The following PCDH11Y variants were observed in gnomAD, a reference collection of about 807,000 sequenced individuals.
PCDH11Y encodes the protein protocadherin-11 Y-linked.
For missense variants in PCDH11Y, 12 were observed against 224.8 expected, an observed-to-expected ratio of 0.05 and a Z score of 6.05; for synonymous variants, 9 against 83.6, an observed-to-expected ratio of 0.11 and a Z score of 4.87.
intron 4 of PCDH11Y, among the ~76,000 whole-genome samples, chrY:5,732,527 C>T: frequency 3.2e-4 from 10 of 31,552 alleles, no homozygotes; most frequent in Non-Finnish European, 6.8e-4. Flanking sequence ...TGTGATCTGA[C>T]GTTTTTCTCT....
intron 3 of PCDH11Y, among the ~76,000 whole-genome samples, chrY:5,535,991 A>C (rs1602939671): frequency 3.1e-5 from 1 of 32,517 alleles, no homozygotes. Context: ...GTGGCGCGAT[A>C]TCGGCTCACT....
At chrY:5,223,342 C>T in intron 2 of PCDH11Y, among the ~76,000 whole-genome samples, 2 of 33,281 alleles carry the variant, frequency 6.0e-5, no homozygotes, top group Admixed American at 2.8e-4. Flanking sequence ...AGGTGGGGCT[C>T]GTGTGTTATA....
chrY:5,045,272 G>T (rs2052632079), intron 3 of PCDH11Y, among the ~76,000 whole-genome samples: 1 of 33,000 alleles, frequency 3.0e-5, no homozygotes, highest in Non-Finnish European at 7.4e-5. Flanking sequence ...TCCATGTTTA[G>T]TGCTTCCTTC....
chrY:5,452,508 G>T, intron 2 of PCDH11Y, among the ~76,000 whole-genome samples: 1 of 33,008 alleles, frequency 3.0e-5, no homozygotes, highest in Non-Finnish European at 7.4e-5. Flanking sequence ...TTTTTTAATT[G>T]AGTAATTTGA....
At chrY:5,141,549 C>T in intron 2 of PCDH11Y, among the ~76,000 whole-genome samples, 1 of 30,670 alleles carries the variant, frequency 3.3e-5, no homozygotes, top group Non-Finnish European at 7.8e-5. Context: ...CAGCATGGTA[C>T]TGGTACCAAA....
intron 4 of PCDH11Y, among the ~76,000 whole-genome samples, chrY:5,719,468 G>A (rs2053592832): frequency 3.0e-5 from 1 of 33,033 alleles, no homozygotes; most frequent in African/African-American, 1.2e-4. Context: ...CATGGCTAAA[G>A]GGGGCCAATG....
At chrY:5,386,098 T>C in intron 2 of PCDH11Y, among the ~76,000 whole-genome samples, 7 of 33,733 alleles carry the variant, frequency 2.1e-4, no homozygotes, top group South Asian at 1.3e-3. Flanking sequence ...GACTGTATCT[T>C]TTCTTCATTT....
chrY:5,251,715 G>T, intron 2 of PCDH11Y, among the ~76,000 whole-genome samples: 2 of 32,320 alleles, frequency 6.2e-5, no homozygotes, highest in African/African-American at 1.2e-4. Context: ...CATAGTGTAT[G>T]ACACATATAA....
intron 2 of PCDH11Y, among the ~76,000 whole-genome samples, chrY:5,230,039 C>T: frequency 3.0e-5 from 1 of 33,361 alleles, no homozygotes. Flanking sequence ...TATGCCTCAA[C>T]TTAGCTCCCC....
intron 2 of PCDH11Y, among the ~76,000 whole-genome samples, chrY:5,373,745 TACAC>T (rs369088178): frequency 0.025 from 597 of 23,653 alleles, no homozygotes; most frequent in Middle Eastern, 0.048. Context: ...TGTGTATATA[TACAC>T]ACACACACAC....
At chrY:5,395,026 C>T in intron 2 of PCDH11Y, among the ~76,000 whole-genome samples, 2 of 32,820 alleles carry the variant, frequency 6.1e-5, no homozygotes, top group Non-Finnish European at 1.5e-4. Flanking sequence ...AAGGACCTCA[C>T]AGTCTTGTGC....
chrY:5,315,351 G>A, intron 2 of PCDH11Y, among the ~76,000 whole-genome samples: 1 of 33,774 alleles, frequency 3.0e-5, no homozygotes, highest in African/African-American at 1.2e-4. Flanking sequence ...TAATCTCTGA[G>A]ATATGGTTAA....
chrY:5,036,993 G>A, intron 3 of PCDH11Y: 3 of 88,188 alleles, frequency 3.4e-5, no homozygotes, highest in South Asian at 1.7e-4. Context: ...AATGTCTTCT[G>A]TGAGAATGGT....
intron 4 of PCDH11Y, among the ~76,000 whole-genome samples, chrY:5,613,930 G>C (rs2053490552): frequency 3.6e-5 from 1 of 27,507 alleles, no homozygotes; most frequent in Non-Finnish European, 8.4e-5. Flanking sequence ...GGCATCAGGG[G>C]CTGAATAGTT....
At chrY:5,497,108 A>C (rs2053345733) in intron 2 of PCDH11Y, among the ~76,000 whole-genome samples, 2 of 33,574 alleles carry the variant, frequency 6.0e-5, no homozygotes. Context: ...ATAAACATAC[A>C]TGTGCATGAG....
At chrY:5,168,542 CATATATAT>C (rs61386097) in intron 2 of PCDH11Y, among the ~76,000 whole-genome samples, 10 of 1,481 alleles carry the variant, frequency 6.8e-3, no homozygotes, top group East Asian at 0.016. Context: ...TCGTAGACAT[CATATATAT>C]ATATATATAT....
chrY:5,579,368 CATTAATTCAGAAA>C (rs2053448837), intron 3 of PCDH11Y, among the ~76,000 whole-genome samples: 2 of 31,916 alleles, frequency 6.3e-5, no homozygotes, highest in African/African-American at 2.4e-4. Flanking sequence ...ATTTGCTAGT[CATTAATTCAGAAA>C]ATAATGTTAA....
At chrY:5,050,875 T>TTA (rs1316160873) in intron 3 of PCDH11Y, among the ~76,000 whole-genome samples, 6 of 30,561 alleles carry the variant, frequency 2.0e-4, no homozygotes, top group South Asian at 1.5e-3. Context: ...ACACACACAA[T>TTA]TATATATATA....
At chrY:5,398,274 A>G in intron 2 of PCDH11Y, among the ~76,000 whole-genome samples, 1 of 30,140 alleles carries the variant, frequency 3.3e-5, no homozygotes. Context: ...ACAATTACAA[A>G]CTGAACTTTC....
Sources: gnomAD v4.1 joint callset for allele counts (sites outside exome capture counted in the v4.1 genomes callset) on GRCh38, gnomAD v4.1.1 for gene constraint, MANE v1.5 for transcripts, NCBI Gene and HGNC (gene_info 2026-07-23, HGNC 2026-07-21) for gene names.